Variants in WDR70 observed in about 807,000 individuals in gnomAD.
WDR70 encodes the protein WD repeat-containing protein 70.
WDR70 carries 53 observed loss-of-function variants against 88.6 expected under a neutral mutation model. The observed-to-expected ratio is 0.60, with a 90% CI of 0.48 to 0.75. The LOEUF (loss-of-function observed/expected upper bound fraction) is 0.75. Ranked by LOEUF, WDR70 falls within the 30% of genes least tolerant of loss-of-function variation. The probability of loss-of-function intolerance (pLI) is 0.00; values close to 1 mark genes in which losing one functional copy is unlikely to be tolerated. For missense variants in WDR70, 610 were observed against 823.2 expected, an observed-to-expected ratio of 0.74 and a Z score of 3.17; for synonymous variants, 280 against 270.0, an observed-to-expected ratio of 1.04 and a Z score of -0.36.
intron 9 of WDR70, among the ~76,000 whole-genome samples, chr5:37,538,352 A>G (rs944632118): frequency 4.6e-5 from 7 of 152,214 alleles, no homozygotes; most frequent in African/African-American, 1.4e-4. Context: ...TCACAGCGTT[A>G]TGCACTTACT....
intron 10 of WDR70, among the ~76,000 whole-genome samples, chr5:37,613,171 A>G (rs1744232958): frequency 1.3e-5 from 2 of 152,212 alleles, no homozygotes; most frequent in South Asian, 4.1e-4. Context: ...AAGGTTTTTT[A>G]AAAATATGGA....
At chr5:37,631,090 T>G (rs1347090707) in intron 10 of WDR70, among the ~76,000 whole-genome samples, 2 of 152,182 alleles carry the variant, frequency 1.3e-5, no homozygotes, top group Admixed American at 6.5e-5. Flanking sequence ...GAGATGGGGT[T>G]ATAGAGGCTA....
intron 8 of WDR70, among the ~76,000 whole-genome samples, chr5:37,480,922 G>C (rs1739644911): frequency 6.6e-6 from 1 of 152,236 alleles, no homozygotes; most frequent in African/African-American, 2.4e-5. Flanking sequence ...CAGGGATACA[G>C]GCTTTGGGTA....
At chr5:37,637,167 C>T (rs1744992099) in intron 10 of WDR70, among the ~76,000 whole-genome samples, 1 of 151,864 alleles carries the variant, frequency 6.6e-6, no homozygotes, top group Non-Finnish European at 1.5e-5. Flanking sequence ...CATGGTGAAA[C>T]CCTTTCTCTA....
chr5:37,384,577 G>A (rs1389574682), intron 3 of WDR70, among the ~76,000 whole-genome samples: 4 of 145,730 alleles, frequency 2.7e-5, no homozygotes, highest in South Asian at 2.2e-4. Flanking sequence ...GGAGAATGGC[G>A]TGAACCCTGG....
intron 9 of WDR70, among the ~76,000 whole-genome samples, chr5:37,564,165 C>G (rs941621895): frequency 1.3e-5 from 2 of 151,252 alleles, no homozygotes; most frequent in African/African-American, 4.8e-5. Flanking sequence ...TTTGCGGGGC[C>G]AAGGCAGGCA....
At chr5:37,738,672 G>C (rs893151030) in intron 17 of WDR70, among the ~76,000 whole-genome samples, 2 of 152,184 alleles carry the variant, frequency 1.3e-5, no homozygotes, top group African/African-American at 4.8e-5. Flanking sequence ...AATTCCTCTG[G>C]ATGGAAGCAC....
At chr5:37,452,090 T>A (rs1015047719) in intron 7 of WDR70, among the ~76,000 whole-genome samples, 1 of 152,236 alleles carries the variant, frequency 6.6e-6, no homozygotes, top group Non-Finnish European at 1.5e-5. Flanking sequence ...TTTTGTTGAA[T>A]CATTGTTCTA....
At chr5:37,608,324 G>A (rs961964171) in intron 10 of WDR70, among the ~76,000 whole-genome samples, 2 of 152,094 alleles carry the variant, frequency 1.3e-5, no homozygotes, top group Admixed American at 1.3e-4. Context: ...ACAGGCGTGA[G>A]CCACCACGCC....
In WDR70 at chr5:37,434,871, A is replaced by G. The variant is rs187868039; in HGVS notation, c.493-3051A>G. ...ATAGTTTATGATGTTCCTTGGCAGG[A>G]AAATCTTGAAAATATTTTACTGTTA... On this transcript the variant is annotated intron_variant, in intron 5 of 17. Coordinates refer to ENST00000265107, the MANE Select transcript of WDR70 (RefSeq NM_018034.4). 2.1e-4 allele frequency among the ~76,000 whole-genome samples: 32 copies of G among 152,376 alleles called. No homozygotes were observed. The East Asian group carries it at 6.2e-3, about 29-fold the overall frequency.
intron 9 of WDR70, among the ~76,000 whole-genome samples, chr5:37,531,587 CTTTTTTT>C (rs149831770): frequency 0.016 from 1,255 of 77,720 alleles, 5 homozygotes; most frequent in Middle Eastern, 0.066. Flanking sequence ...TAAAGTTTTT[CTTTTTTT>C]TTTTTTTTTT....
At chr5:37,565,279 G>C (rs1204409017) in intron 9 of WDR70, among the ~76,000 whole-genome samples, 4 of 152,118 alleles carry the variant, frequency 2.6e-5, no homozygotes, top group African/African-American at 9.7e-5. Context: ...GCACAATTCA[G>C]AGATATTCTT....
intron 8 of WDR70, among the ~76,000 whole-genome samples, chr5:37,510,882 G>A (rs1256272358): frequency 6.6e-6 from 1 of 152,130 alleles, no homozygotes; most frequent in Non-Finnish European, 1.5e-5. Context: ...TTTGAATTAG[G>A]TTATGCATTT....
chr5:37,615,122 A>G (rs958369283), intron 10 of WDR70, among the ~76,000 whole-genome samples: 2 of 152,082 alleles, frequency 1.3e-5, no homozygotes, highest in Non-Finnish European at 2.9e-5. Context: ...ATATGTAAAT[A>G]TAGTTGAGGA....
intron 9 of WDR70, among the ~76,000 whole-genome samples, chr5:37,574,390 G>A (rs77468447): frequency 0.019 from 2,944 of 152,242 alleles, 88 homozygotes; most frequent in African/African-American, 0.067. Context: ...CCCCCTCCAT[G>A]GCTTGCTACA....
At chr5:37,587,507 A>T (rs557932518) in intron 9 of WDR70, among the ~76,000 whole-genome samples, 9 of 151,452 alleles carry the variant, frequency 5.9e-5, no homozygotes, top group African/African-American at 2.2e-4. Context: ...CAAAAGTCAC[A>T]CCTCTATAGA....
chr5:37,449,026 T>C (rs756187507), intron 7 of WDR70, among the ~76,000 whole-genome samples: 2 of 152,246 alleles, frequency 1.3e-5, no homozygotes, highest in Non-Finnish European at 2.9e-5. Flanking sequence ...AGGTTCTTCA[T>C]GGTAAAGTTA....
chr5:37,610,706 A>G (rs372837149), intron 10 of WDR70, among the ~76,000 whole-genome samples: 279 of 152,314 alleles, frequency 1.8e-3, no homozygotes, highest in African/African-American at 6.5e-3. Context: ...CTGTAAGGTA[A>G]TTTATGACCA....
intron 9 of WDR70, among the ~76,000 whole-genome samples, chr5:37,548,770 T>A (rs1041703018): frequency 6.6e-6 from 1 of 152,178 alleles, no homozygotes; most frequent in Non-Finnish European, 1.5e-5. Context: ...ATTTTCATAG[T>A]TTGAGCTGTT....
Sources: gnomAD v4.1 joint callset for allele counts (sites outside exome capture counted in the v4.1 genomes callset) on GRCh38, gnomAD v4.1.1 for gene constraint, MANE v1.5 for transcripts, NCBI Gene and HGNC (gene_info 2026-07-23, HGNC 2026-07-21) for gene names.